The following RELN variants were observed in gnomAD, a reference collection of about 807,000 sequenced individuals.
RELN encodes reelin.
A neutral mutation model predicts 427.6 loss-of-function variants in RELN; 108 were observed. The observed-to-expected ratio is 0.25, with a 90% CI of 0.22 to 0.30. RELN has a LOEUF of 0.30. Among genes scored for constraint, RELN ranks in the 10% least tolerant of loss-of-function variants. The pLI is 1.00. For synonymous variants in RELN, 1,524 were observed against 1,513.4 expected (o/e 1.01, Z -0.16); for missense variants, 3,715 against 4,302.8 (o/e 0.86, Z 3.82).
intron 2 of RELN, among the ~76,000 whole-genome samples, chr7:103,897,365 A>G (rs1467900134): frequency 6.6e-6 from 1 of 152,030 alleles, no homozygotes; most frequent in Admixed American, 6.6e-5. Flanking sequence ...TCAGCTTTGG[A>G]CACAGGAGAG....
chr7:103,933,442 G>A (rs1322928704), intron 1 of RELN, among the ~76,000 whole-genome samples: 3 of 137,048 alleles, frequency 2.2e-5, no homozygotes, highest in Non-Finnish European at 4.7e-5. Flanking sequence ...TGCCTGTAAT[G>A]CCAGCACTTT....
chr7:103,750,665 C>T (rs1466336065), intron 5 of RELN, among the ~76,000 whole-genome samples: 1 of 152,132 alleles, frequency 6.6e-6, no homozygotes, highest in Admixed American at 6.5e-5. Context: ...TTCCCACTAT[C>T]CTTCTTGCCC....
At chr7:103,817,674 C>A (rs1351837398) in intron 3 of RELN, among the ~76,000 whole-genome samples, 1 of 151,892 alleles carries the variant, frequency 6.6e-6, no homozygotes, top group African/African-American at 2.4e-5. Flanking sequence ...AGAAAAGGTG[C>A]AGTGGCTCAT....
rs150577542 is a variant in RELN at position 103,724,411 on chromosome 7, G to GAT, written c.754-1222_754-1221dup. ...TTGGGATGTGAATATTAAAAGATCAGATACATGTGAATATCAAAATATCTA... is the reference window on the plus strand; with the variant it reads ...TTGGGATGTGAATATTAAAAGATCAGATATACATGTGAATATCAAAATATCTA... On this transcript the variant is annotated intron_variant, in intron 7 of 64. Coordinates refer to ENST00000428762, the MANE Select transcript of RELN (RefSeq NM_005045.4). 6.3e-3 allele frequency among the ~76,000 whole-genome samples: 959 copies of GAT among 152,266 alleles called. 21 individuals carry two copies. Among genetic ancestry groups the GAT allele is most frequent in the East Asian group, 0.032 (164 of 5,174 alleles).
At chr7:103,804,568 T>C (rs1321640369) in intron 3 of RELN, among the ~76,000 whole-genome samples, 1 of 152,120 alleles carries the variant, frequency 6.6e-6, no homozygotes, top group Non-Finnish European at 1.5e-5. Context: ...TAAAGAAATA[T>C]GGTCATAAAT....
chr7:103,822,989 A>G (rs558327336), intron 3 of RELN, among the ~76,000 whole-genome samples: 1 of 152,234 alleles, frequency 6.6e-6, no homozygotes, highest in East Asian at 1.9e-4. Context: ...CTGCAATTGA[A>G]ATACTAGAAA....
intron 8 of RELN, among the ~76,000 whole-genome samples, chr7:103,722,276 C>T (rs1180295396): frequency 6.6e-6 from 1 of 152,046 alleles, no homozygotes; most frequent in Non-Finnish European, 1.5e-5. Flanking sequence ...CACTGACTTG[C>T]AATTTGGAAT....
intron 1 of RELN, among the ~76,000 whole-genome samples, chr7:103,965,862 A>C (rs952846640): frequency 1.5e-4 from 23 of 152,226 alleles, no homozygotes; most frequent in Non-Finnish European, 2.9e-4. Context: ...TATTTCATTA[A>C]GTAAAAATTT....
At chr7:103,482,993 A>G in intron 62 of RELN, 22 bp from the exon 63 acceptor site, 1 of 1,603,932 alleles carries the variant, frequency 6.2e-7, no homozygotes, top group Non-Finnish European at 8.5e-7. Flanking sequence ...ACAGAAGGAC[A>G]AAGAAGTTAT....
chr7:103,550,776 G>A (rs1326030443), intron 41 of RELN, among the ~76,000 whole-genome samples: 1 of 152,006 alleles, frequency 6.6e-6, no homozygotes, highest in Non-Finnish European at 1.5e-5. Context: ...AGGAACGCGT[G>A]GAAAACCTTA....
intron 2 of RELN, among the ~76,000 whole-genome samples, chr7:103,903,904 G>C (rs1197724519): frequency 6.6e-6 from 1 of 151,716 alleles, no homozygotes; most frequent in African/African-American, 2.4e-5. Flanking sequence ...TGTTACATAG[G>C]TATACATGTG....
chr7:103,681,698 G>T (rs1238262000), intron 11 of RELN, among the ~76,000 whole-genome samples: 1 of 151,850 alleles, frequency 6.6e-6, no homozygotes, highest in Non-Finnish European at 1.5e-5. Context: ...ATCCCCTAAA[G>T]AATTTTTATA....
chr7:103,644,321 C>A (rs1248638294), intron 16 of RELN, among the ~76,000 whole-genome samples: 3 of 150,518 alleles, frequency 2.0e-5, no homozygotes, highest in African/African-American at 7.3e-5. Flanking sequence ...TCAATGAGAT[C>A]CAAGAGAAAG....
intron 2 of RELN, among the ~76,000 whole-genome samples, chr7:103,885,115 G>A (rs1458508984): frequency 4.6e-5 from 7 of 152,050 alleles, no homozygotes; most frequent in Non-Finnish European, 7.4e-5. Flanking sequence ...CGAGGCAGGC[G>A]GATTATGAGG....
chr7:103,900,685 C>T (rs13227200), intron 2 of RELN, among the ~76,000 whole-genome samples: 4,931 of 152,154 alleles, frequency 0.032, 121 homozygotes, highest in Non-Finnish European at 0.048. Flanking sequence ...AGAAGTAACA[C>T]CACACATCTC....
At chr7:103,949,041 A>AAAAAAAC (rs1563106805) in intron 1 of RELN, among the ~76,000 whole-genome samples, 1 of 145,630 alleles carries the variant, frequency 6.9e-6, no homozygotes. Context: ...AAAAAAAAAA[A>AAAAAAAC]AAAAAACCCG....
chr7:103,758,551 A>G (rs973004160), intron 4 of RELN, among the ~76,000 whole-genome samples: 1 of 151,928 alleles, frequency 6.6e-6, no homozygotes, highest in Non-Finnish European at 1.5e-5. Context: ...CTTTAAAACT[A>G]TCAATACAAA....
rs111378138 is a variant in RELN, at chr7:103,593,366, G to C, written c.3912+316C>G. Among the ~76,000 whole-genome samples the C allele has an allele frequency of 2.0e-5, 3 of 152,258 alleles. No homozygotes were observed. In the East Asian group the frequency reaches 5.8e-4, roughly 29 times the overall value. ...TGAAAAGGACAACTTATTCATCATCGTTTAGAAGCTTGAGATTCATTAAGT... is the reference window on the plus strand; with the variant it reads ...TGAAAAGGACAACTTATTCATCATCCTTTAGAAGCTTGAGATTCATTAAGT... On this transcript the variant is annotated intron_variant, in intron 27 of 64. Coordinates refer to ENST00000428762, the MANE Select transcript of RELN (RefSeq NM_005045.4).
At chr7:103,921,419 G>A (rs1351030892) in intron 1 of RELN, among the ~76,000 whole-genome samples, 1 of 151,972 alleles carries the variant, frequency 6.6e-6, no homozygotes, top group Non-Finnish European at 1.5e-5. Flanking sequence ...TTTCCCAAGG[G>A]ACTTCTTCCC....
Sources: allele counts gnomAD v4.1 joint callset (sites outside exome capture counted in the v4.1 genomes callset), GRCh38; gene constraint gnomAD v4.1.1; transcripts MANE v1.5; gene names NCBI Gene and HGNC (gene_info 2026-07-23, HGNC 2026-07-21).